Variants in PRICKLE2 observed in about 807,000 individuals in gnomAD.
PRICKLE2 encodes the protein prickle-like protein 2.
A neutral mutation model predicts 81.4 loss-of-function variants in PRICKLE2; 21 were observed. The observed-to-expected ratio is 0.26, with a 90% CI of 0.18 to 0.37. The LOEUF is 0.37. Among genes scored for constraint, PRICKLE2 ranks in the 10% least tolerant of loss-of-function variants. PRICKLE2 has a pLI of 1.00. For synonymous variants in PRICKLE2, 456 were observed against 421.5 expected (o/e 1.08, Z -1.00); for missense variants, 940 against 1,109.0 (o/e 0.85, Z 2.16).
chr3:64,181,878 T>A (rs370675227), intron 2 of PRICKLE2, among the ~76,000 whole-genome samples: 1 of 152,298 alleles, frequency 6.6e-6, no homozygotes, highest in East Asian at 1.9e-4. Context: ...TGCAGGCTAC[T>A]CAAGGCGGGA....
chr3:64,235,019 G>A (rs2079160135), intron 2 of PRICKLE2, among the ~76,000 whole-genome samples: 1 of 152,070 alleles, frequency 6.6e-6, no homozygotes, highest in South Asian at 2.1e-4. Flanking sequence ...AGGTGTGCTT[G>A]ATGGTATCTC....
At chr3:64,226,390 CT>C (rs1470161461), upstream of PRICKLE2, among the ~76,000 whole-genome samples, 1 of 152,146 alleles carries the variant, frequency 6.6e-6, no homozygotes, top group Admixed American at 6.5e-5. Context: ...CCTGCCTTTC[CT>C]TCCTGCTAGC....
In PRICKLE2 at chr3:64,120,040, G is replaced by C. The variant is rs1575559556; in HGVS notation, c.1661-20115C>G. Among the ~76,000 whole-genome samples, 3 of 152,276 alleles carry C rather than the reference G, an allele frequency of 2.0e-5. No homozygotes were observed. In the South Asian group the frequency reaches 6.2e-4, roughly 32 times the overall value. On this transcript the variant is annotated intron_variant, in intron 7 of 7. Coordinates refer to ENST00000638394, the MANE Select transcript of PRICKLE2 (RefSeq NM_198859.4). ...AACGGATGTAAAGATGGCAACAAGA[G>C]ACATGGGGGCTACTAGAGGGGAAGG... is the stretch of plus-strand genomic sequence containing the variant.
intron 7 of PRICKLE2, among the ~76,000 whole-genome samples, chr3:64,131,527 T>C (rs967178309): frequency 3.3e-5 from 5 of 152,218 alleles, no homozygotes; most frequent in Non-Finnish European, 5.9e-5. Context: ...TTTCAAGGCT[T>C]ACTGTTTACT....
intron 2 of PRICKLE2, among the ~76,000 whole-genome samples, chr3:64,231,769 A>G (rs760360541): frequency 6.6e-6 from 1 of 152,206 alleles, no homozygotes; most frequent in Non-Finnish European, 1.5e-5. Context: ...TTTAGTCCTC[A>G]CCATAAACCA....
At chr3:64,233,177 C>T (rs1006219323) in intron 2 of PRICKLE2, among the ~76,000 whole-genome samples, 5 of 152,168 alleles carry the variant, frequency 3.3e-5, no homozygotes, top group Non-Finnish European at 5.9e-5. Context: ...TTTCCTCCAC[C>T]ATCATCACAC....
intron 1 of PRICKLE2, among the ~76,000 whole-genome samples, chr3:64,211,642 G>T (rs569649286): frequency 4.6e-5 from 7 of 152,322 alleles, no homozygotes; most frequent in Middle Eastern, 3.4e-3. Context: ...TTGGGAGTTT[G>T]TTATACTATT....
chr3:64,154,546 G>A (rs961787449), intron 5 of PRICKLE2: 9 of 151,418 alleles, frequency 5.9e-5, no homozygotes, highest in African/African-American at 1.5e-4. Flanking sequence ...ACTCCATCTC[G>A]AAGAAAAAAA....
At chr3:64,262,113 C>T (rs531550634) in intron 2 of PRICKLE2, among the ~76,000 whole-genome samples, 15 of 152,230 alleles carry the variant, frequency 9.9e-5, no homozygotes, top group Non-Finnish European at 2.1e-4. Flanking sequence ...ATCCATGTAA[C>T]GCACACTCTA....
intron 2 of PRICKLE2, chr3:64,174,996 A>G (rs1575620180): frequency 5.9e-6 from 1 of 169,906 alleles, no homozygotes; most frequent in East Asian, 1.4e-4. Context: ...CCAGTGGGCT[A>G]AAACGTGGAA....
intron 7 of PRICKLE2, chr3:64,100,900 C>T (rs146608813): frequency 1.2e-3 from 184 of 152,322 alleles, no homozygotes; most frequent in African/African-American, 4.3e-3. Flanking sequence ...AGCAATTTGC[C>T]ATTCCTGGTC....
intron 3 of PRICKLE2, among the ~76,000 whole-genome samples, chr3:64,162,306 G>T (rs1246047928): frequency 3.3e-5 from 5 of 152,226 alleles, no homozygotes; most frequent in African/African-American, 1.2e-4. Flanking sequence ...ACCTAAAAAT[G>T]AATTTCTAGC....
chr3:64,184,616 G>A (rs2078188860), intron 2 of PRICKLE2, among the ~76,000 whole-genome samples: 1 of 151,324 alleles, frequency 6.6e-6, no homozygotes, highest in Non-Finnish European at 1.5e-5. Flanking sequence ...TGGGGCTACA[G>A]GCCCACACCA....
At chr3:64,176,321 C>T (rs150845061) in intron 2 of PRICKLE2, among the ~76,000 whole-genome samples, 2,049 of 152,306 alleles carry the variant, frequency 0.013, 18 homozygotes, top group South Asian at 0.043. Flanking sequence ...TGAGTTATCT[C>T]TTTCTTATGT....
At chr3:64,156,010 T>C (rs1354371549) in intron 5 of PRICKLE2, among the ~76,000 whole-genome samples, 3 of 152,226 alleles carry the variant, frequency 2.0e-5, no homozygotes, top group South Asian at 2.1e-4. Context: ...GGGTCCTTAA[T>C]GCTATGCAAA....
intron 2 of PRICKLE2, among the ~76,000 whole-genome samples, chr3:64,168,841 A>G (rs1481665216): frequency 2.0e-5 from 3 of 152,202 alleles, no homozygotes; most frequent in Non-Finnish European, 4.4e-5. Flanking sequence ...TTCCTTTGGT[A>G]TTACCCAGAA....
In PRICKLE2 at chr3:64,242,733, C is replaced by T. The variant is rs553561416; in HGVS notation, c.129-43766G>A. Among the ~76,000 whole-genome samples the T allele has an allele frequency of 7.9e-5, 12 of 152,366 alleles. No homozygotes were observed. In the South Asian group the frequency reaches 2.5e-3, roughly 32 times the overall value. ...TCTCTTTGGGTACACTTCACCCACT[C>T]CAGTTCCTGTGTGTCTAAGACAGTG... On this transcript the variant is annotated intron_variant, in intron 2 of 8. Coordinates refer to the PRICKLE2 transcript ENST00000295902.
chr3:64,205,597 T>C (rs979082070), intron 1 of PRICKLE2, among the ~76,000 whole-genome samples: 5 of 149,568 alleles, frequency 3.3e-5, no homozygotes, highest in South Asian at 2.1e-4. Flanking sequence ...TGAGAAGTGA[T>C]AGGATGAAGG....
intron 1 of PRICKLE2, among the ~76,000 whole-genome samples, chr3:64,214,793 G>A (rs992274366): frequency 1.3e-5 from 2 of 152,068 alleles, no homozygotes; most frequent in African/African-American, 2.4e-5. Context: ...CCCAGCCCCC[G>A]CACTGCGTCC....
Sources: gnomAD v4.1 joint callset for allele counts (sites outside exome capture counted in the v4.1 genomes callset) on GRCh38, gnomAD v4.1.1 for gene constraint, MANE v1.5 for transcripts, NCBI Gene and HGNC (gene_info 2026-07-23, HGNC 2026-07-21) for gene names.